ZNF559: variants seen among roughly 807,000 people sequenced by gnomAD.
ZNF559 encodes putative protein product of Nbla00121.
In ZNF559, 17 loss-of-function variants were observed where a neutral mutation model predicts 14.2. That is an observed-to-expected ratio of 1.20 (90% CI 0.82 to 1.80). ZNF559 has a LOEUF of 1.80. ZNF559 is among the 40% of genes most tolerant of loss of function. ZNF559 has a pLI of 0.00. For missense variants in ZNF559, 740 were observed against 629.7 expected (o/e 1.18, Z -1.88); for synonymous variants, 244 against 212.4 (o/e 1.15, Z -1.29).
At chr19:9,336,258 C>T (rs578178364) in intron 2 of ZNF559, among the ~76,000 whole-genome samples, 1 of 152,132 alleles carries the variant, frequency 6.6e-6, no homozygotes, top group East Asian at 1.9e-4. Flanking sequence ...CTTATCCATT[C>T]ATCTATTTTT....
At chr19:9,331,317 G>A (rs2066924758) in intron 2 of ZNF559, among the ~76,000 whole-genome samples, 1 of 152,170 alleles carries the variant, frequency 6.6e-6, no homozygotes, top group Non-Finnish European at 1.5e-5. Flanking sequence ...CAGGTGGGAT[G>A]CAAGTGATTC....
chr19:9,324,629 C>T, intron 1 of ZNF559, 66 bp from the exon 2 acceptor site: 3 of 863,184 alleles, frequency 3.5e-6, no homozygotes, highest in Non-Finnish European at 5.0e-6. Context: ...CCCCCCCCCC[C>T]AACCATCTCT....
intron 2 of ZNF559, among the ~76,000 whole-genome samples, chr19:9,336,186 C>G (rs902903968): frequency 2.0e-5 from 3 of 152,092 alleles, no homozygotes; most frequent in Admixed American, 1.3e-4. Flanking sequence ...AGAACCAGTT[C>G]TGAGTCTGTA....
rs916153873 is a variant in ZNF559, at chr19:9,341,920, A to G, written c.469A>G (p.Ser157Gly). 1.2e-5 allele frequency: 19 copies of G among 1,613,120 alleles called. No homozygotes were observed. Among genetic ancestry groups the G allele is most frequent in the Non-Finnish European group, 1.5e-5 (18 of 1,179,806 alleles). ...PNCNQCETAF[S>G]QHLHLVCKKT... is the part of the protein sequence containing the mutation. ...CTGTAATCAATGTGAAACAGCCTTC[A>G]GCCAACATCTACATCTTGTTTGCAA... The change falls in exon 7 of 7, where the codon AGC (serine) becomes GGC (glycine). Residue 157 changes from serine to glycine, a missense_variant. Physicochemically the swap from Ser to Gly is moderately conservative, Grantham distance 56. Transcript: ENST00000603380.
chr19:9,341,994 A>G lies in ZNF559; in HGVS notation c.543A>G (p.Gln181=). The change falls in exon 7 of 7, where the codon CAA becomes CAG. Residue 181 remains glutamine, a synonymous_variant. Transcript: ENST00000603380. The part of the protein sequence containing the change: ...LHLVCKKTHT[Q]EKPYKCSDCE... ...TTGTTTGCAAGAAAACTCACACTCA[A>G]GAGAAACCATATAAATGCAGTGACT... 3.1e-6 allele frequency: 5 copies of G among 1,611,568 alleles called. No individual in the cohort carries two copies. Among genetic ancestry groups the G allele is most frequent in the Non-Finnish European group, 3.4e-6 (4 of 1,178,904 alleles).
Position 9,342,413 on chromosome 19 carries a change from G to T in ZNF559, c.962G>T (p.Gly321Val). 1 of 1,614,128 alleles carries T rather than the reference G, an allele frequency of 6.2e-7. No homozygotes were observed. The highest frequency in any genetic ancestry group is 8.5e-7 in the Non-Finnish European group (1 of 1,180,006). The change falls in exon 7 of 7, where the codon GGA becomes GTA. Residue 321 changes from glycine to valine, a missense_variant. Coordinates refer to ENST00000603380, the MANE Select transcript of ZNF559 (RefSeq NM_032497.3). The stretch of plus-strand genomic sequence containing the variant: ...AACATTCACATAAGGGTTCACACTG[G>T]AGAAAAACCGTATGAGTGCAACAAA... ...KLNIHIRVHT[G>V]EKPYECNKCG...
intron 2 of ZNF559, among the ~76,000 whole-genome samples, chr19:9,331,774 T>C (rs1394692608): frequency 6.6e-6 from 1 of 152,216 alleles, no homozygotes; most frequent in Non-Finnish European, 1.5e-5. Flanking sequence ...GTATTGTTAC[T>C]ATGTGTTTCC....
rs1040715485 is a variant in ZNF559 at position 9,345,715 on chromosome 19, C to T, written c.*2647C>T. 6.6e-6 allele frequency: 1 copy of T among 150,894 alleles called. No homozygotes were observed. The highest frequency in any genetic ancestry group is 6.6e-5 in the Admixed American group (1 of 15,162). 9.3% of individuals were successfully genotyped at this position (150,894 alleles called of 1,614,324 possible). A position where few individuals can be genotyped will look rare whatever the true frequency, so the allele number is the denominator to read the frequency against. On this transcript the variant is annotated 3_prime_UTR_variant, in exon 7 of 7. Coordinates refer to ENST00000603380, the MANE Select transcript of ZNF559 (RefSeq NM_032497.3). ...GTCTCCCAGGCTGAAGTGCGTGGCA[C>T]GATCATGTGGTTTTGCAATATTTAT...
At chr19:9,336,452 T>A (rs10425029) in intron 2 of ZNF559, among the ~76,000 whole-genome samples, 92,517 of 151,644 alleles carry the variant, frequency 0.61, 28,823 homozygotes, top group African/African-American at 0.73. Context: ...TTAGCTGGGG[T>A]TGGTGGTGCA....
chr19:9,343,620 A>G lies in ZNF559; in HGVS notation c.*552A>G. The G allele has an allele frequency of 1.0e-6, 1 of 990,210 alleles. No homozygotes were observed. The highest frequency in any genetic ancestry group is 1.2e-6 in the Non-Finnish European group (1 of 832,564). 61.3% of individuals were successfully genotyped at this position (990,210 alleles called of 1,614,324 possible). On this transcript the variant is annotated 3_prime_UTR_variant, in exon 7 of 7. Transcript: ENST00000603380. ...ACTTTGGGAACATGTCAAAGCACAC[A>G]TTGAGAAGTCCCATGAGTGAAAGAG... is the stretch of plus-strand genomic sequence containing the variant.
chr19:9,341,934 T>C lies in ZNF559; in HGVS notation c.483T>C (p.His161=), dbSNP rs776659344. The C allele has an allele frequency of 3.7e-6, 6 of 1,613,648 alleles. No individual in the cohort carries two copies. The highest frequency in any genetic ancestry group is 3.4e-6 in the Non-Finnish European group (4 of 1,179,934). ...AAACAGCCTTCAGCCAACATCTACATCTTGTTTGCAAGAAAACTAGCCAAA... is the reference window on the plus strand; with the variant it reads ...AAACAGCCTTCAGCCAACATCTACACCTTGTTTGCAAGAAAACTAGCCAAA... The part of the protein sequence containing the change: ...QCETAFSQHL[H]LVCKKTSQNL... Residue 161 remains histidine, a synonymous_variant, in exon 7 of 7, where the codon CAT becomes CAC. Transcript: ENST00000603380.
upstream of ZNF559, chr19:9,324,032 C>A: frequency 1.1e-6 from 1 of 890,496 alleles, no homozygotes. Context: ...CTACCGGTGA[C>A]ACTTGCGCTC....
chr19:9,325,657 G>A (rs768089699), intron 2 of ZNF559, among the ~76,000 whole-genome samples: 6 of 151,806 alleles, frequency 4.0e-5, no homozygotes, highest in East Asian at 1.9e-4. Context: ...CCGGGCGTGG[G>A]CACCTGTAAT....
Position 9,343,248 on chromosome 19 carries a change from A to G in ZNF559, c.*180A>G. 6 of 1,417,386 alleles carry G rather than the reference A, an allele frequency of 4.2e-6. No individual in the cohort carries two copies. Among genetic ancestry groups the G allele is most frequent in the Non-Finnish European group, 5.5e-6 (6 of 1,089,142 alleles). 87.8% of individuals were successfully genotyped at this position (1,417,386 alleles called of 1,614,324 possible). ...GACATATGAATGTAAGGAATGTGGG[A>G]AAATCTTGGCTCCTTCCATAGGCCT... On this transcript the variant is annotated 3_prime_UTR_variant, in exon 7 of 7. Coordinates refer to ENST00000603380, the MANE Select transcript of ZNF559 (RefSeq NM_032497.3).
chr19:9,326,113 T>TA (rs1201392989), intron 2 of ZNF559, among the ~76,000 whole-genome samples: 4 of 131,662 alleles, frequency 3.0e-5, no homozygotes, highest in Non-Finnish European at 6.3e-5. Flanking sequence ...TGATTTTTTT[T>TA]TTTTTTTTTT....
At chr19:9,323,866 C>T (rs1599264157), upstream of ZNF559, 1 of 403,264 alleles carries the variant, frequency 2.5e-6, no homozygotes, top group East Asian at 4.1e-5. Context: ...TGAGCTGCCG[C>T]TTGGCCAGTT....
At chr19:9,324,439 G>C (rs1252786057) in intron 1 of ZNF559, 19 of 1,438,318 alleles carry the variant, frequency 1.3e-5, no homozygotes, top group Non-Finnish European at 1.7e-5. Flanking sequence ...CTGCGCTGGG[G>C]CCTCGGCCCG....
intron 2 of ZNF559, among the ~76,000 whole-genome samples, chr19:9,336,720 C>A (rs1204070495): frequency 6.6e-6 from 1 of 152,100 alleles, no homozygotes. Context: ...AGTACATTAC[C>A]TCACAAAGAT....
chr19:9,342,818 A>C lies in ZNF559; in HGVS notation c.1367A>C (p.Lys456Thr). The part of the protein sequence containing the change: ...FRYSSHLSQH[K>T]RIHTGERPYK... ...TACTCCTCGCACCTTAGTCAACATAAAAGAATACATACAGGGGAGAGGCCA... is the reference window on the plus strand; with the variant it reads ...TACTCCTCGCACCTTAGTCAACATACAAGAATACATACAGGGGAGAGGCCA... The change falls in exon 7 of 7, where the codon AAA becomes ACA. Residue 456 changes from lysine to threonine, a missense_variant. Coordinates refer to ENST00000603380, the MANE Select transcript of ZNF559 (RefSeq NM_032497.3). 6.2e-7 allele frequency: 1 copy of C among 1,613,724 alleles called. No homozygotes were observed. The highest frequency in any genetic ancestry group is 8.5e-7 in the Non-Finnish European group (1 of 1,179,910).
Sources: gnomAD v4.1 joint callset for allele counts (sites outside exome capture counted in the v4.1 genomes callset) on GRCh38, gnomAD v4.1.1 for gene constraint, MANE v1.5 for transcripts, NCBI Gene and HGNC (gene_info 2026-07-23, HGNC 2026-07-21) for gene names.